Variants in CAST observed in about 807,000 individuals in gnomAD.
CAST encodes the protein calpastatin.
A neutral mutation model predicts 119.6 loss-of-function variants in CAST; 76 were observed. That is an observed-to-expected ratio of 0.64 (90% CI 0.53 to 0.77). The LOEUF (loss-of-function observed/expected upper bound fraction) is 0.77. Among genes scored for constraint, CAST ranks in the 30% least tolerant of loss-of-function variants. CAST has a pLI of 0.00. For synonymous variants in CAST, 319 were observed against 331.6 expected, an observed-to-expected ratio of 0.96 and a Z score of 0.41; for missense variants, 953 against 946.5, an observed-to-expected ratio of 1.01 and a Z score of -0.09.
chr5:95,970,344 G>C, the CAST span: 1 of 152,254 alleles, frequency 6.6e-6, no homozygotes, highest in African/African-American at 2.4e-5. Flanking sequence ...AAAGTAAGCA[G>C]AGAGATGAAT....
At chr5:96,541,922 T>C (rs947041447) in intron 1 of CAST, among the ~76,000 whole-genome samples, 1 of 152,240 alleles carries the variant, frequency 6.6e-6, no homozygotes, top group African/African-American at 2.4e-5. Flanking sequence ...AAAGTGGCTA[T>C]GAAGATTCAT....
At chr5:96,494,846 A>G in the CAST span, among the ~76,000 whole-genome samples, 17 of 152,214 alleles carry the variant, frequency 1.1e-4, no homozygotes, top group East Asian at 1.9e-4. Flanking sequence ...GGCCGGGCGC[A>G]GTAGCTCACG....
Position 96,750,665 on chromosome 5 carries a change from C to A in CAST, c.1507C>A (p.Pro503Thr). 1 of 1,612,508 alleles carries A rather than the reference C, an allele frequency of 6.2e-7. No homozygotes were observed. Among genetic ancestry groups the A allele is most frequent in the Non-Finnish European group, 8.5e-7 (1 of 1,178,688 alleles). ...TSMCSIQSAP[P>T]EPATLKGTVP... is the part of the protein sequence containing the mutation. ...CATGTGTAGTATACAGTCAGCACCC[C>A]CTGAGCCGGCTACCTTGGTGAGTGA... Residue 503 changes from proline (P) to threonine (T), a missense_variant, in exon 20 of 32, where the codon CCT becomes ACT. Transcript: ENST00000675179.
At chr5:96,009,662 G>A in the CAST span, among the ~76,000 whole-genome samples, 2 of 151,798 alleles carry the variant, frequency 1.3e-5, no homozygotes, top group African/African-American at 4.8e-5. Context: ...TTTGCTTGTT[G>A]ATTGAAGTTC....
the CAST span, among the ~76,000 whole-genome samples, chr5:96,151,313 A>G: frequency 6.6e-6 from 1 of 152,200 alleles, no homozygotes; most frequent in Non-Finnish European, 1.5e-5. Context: ...TAACTTGATT[A>G]TGCTAGTAAA....
At chr5:96,315,313 T>C in the CAST span, among the ~76,000 whole-genome samples, 44 of 152,350 alleles carry the variant, frequency 2.9e-4, no homozygotes, top group African/African-American at 9.4e-4. Flanking sequence ...TACATACACC[T>C]TCTTTTATAT....
chr5:96,166,766 C>A, the CAST span, among the ~76,000 whole-genome samples: 1 of 152,164 alleles, frequency 6.6e-6, no homozygotes, highest in Non-Finnish European at 1.5e-5. Context: ...CCTATCCTCA[C>A]TCATGAATTC....
At chr5:96,679,163 A>G (rs1419574133) in intron 2 of CAST, among the ~76,000 whole-genome samples, 2 of 152,078 alleles carry the variant, frequency 1.3e-5, no homozygotes, top group Non-Finnish European at 2.9e-5. Context: ...CCAGCTACCT[A>G]TAGCAATTGT....
chr5:96,677,885 G>A (rs1370770887), intron 2 of CAST, among the ~76,000 whole-genome samples: 1 of 152,166 alleles, frequency 6.6e-6, no homozygotes, highest in African/African-American at 2.4e-5. Flanking sequence ...GTATGTATTT[G>A]TTAAGGTGGC....
chr5:96,413,291 A>T, the CAST span, among the ~76,000 whole-genome samples: 1 of 152,204 alleles, frequency 6.6e-6, no homozygotes, highest in African/African-American at 2.4e-5. Context: ...ACAGGCTGTC[A>T]CCCGTCATCA....
chr5:96,477,350 C>T, the CAST span, among the ~76,000 whole-genome samples: 1 of 152,066 alleles, frequency 6.6e-6, no homozygotes, highest in Non-Finnish European at 1.5e-5. Context: ...TCTGGTCTCT[C>T]ATGTGTGTGT....
chr5:96,702,847 G>A (rs1048412719), intron 3 of CAST: 2 of 985,374 alleles, frequency 2.0e-6, no homozygotes, highest in African/African-American at 1.7e-5. Context: ...CGCGGGAGCC[G>A]AGCCCAGCTA....
the CAST span, among the ~76,000 whole-genome samples, chr5:96,232,583 C>T: frequency 4.6e-5 from 7 of 151,746 alleles, no homozygotes; most frequent in Non-Finnish European, 7.4e-5. Context: ...AAATTTAATA[C>T]GAAAAACTCA....
chr5:96,143,064 C>T, the CAST span, among the ~76,000 whole-genome samples: 3 of 152,148 alleles, frequency 2.0e-5, no homozygotes, highest in East Asian at 1.9e-4. Flanking sequence ...TAAGGGAGAA[C>T]GGTTTTCTTT....
rs766178001 is a variant in CAST, at chr5:96,663,162, A to G, written c.75+665A>G. ...ATGGCATTCGCCAGCTGGTGGTACA[A>G]GACGGTAAATAGGAGCGGTTGTGCC... On this transcript the variant is annotated intron_variant, in intron 1 of 31. Transcript: ENST00000675179. The G allele has an allele frequency of 5.7e-6, 4 of 702,544 alleles. No individual in the cohort carries two copies. The East Asian group carries it at 8.0e-5, about 14-fold the overall frequency. The allele number at this position is 702,544 out of a possible 1,614,324, so 43.5% of individuals were successfully genotyped here.
chr5:96,069,208 T>C, the CAST span, among the ~76,000 whole-genome samples: 2 of 151,890 alleles, frequency 1.3e-5, no homozygotes, highest in African/African-American at 4.8e-5. Flanking sequence ...GACAGGTGTG[T>C]ATATATACAT....
the CAST span, among the ~76,000 whole-genome samples, chr5:96,461,231 G>T: frequency 6.6e-6 from 1 of 151,950 alleles, no homozygotes; most frequent in African/African-American, 2.4e-5. Flanking sequence ...CCATTTTATG[G>T]ATATCTCACA....
chr5:96,190,046 T>C, the CAST span, among the ~76,000 whole-genome samples: 1 of 152,162 alleles, frequency 6.6e-6, no homozygotes, highest in African/African-American at 2.4e-5. Flanking sequence ...GTTGGGGGTA[T>C]TATTTTTCTT....
At chr5:96,429,215 GATC>G in the CAST span, 1 of 1,478,038 alleles carries the variant, frequency 6.8e-7, no homozygotes, top group Non-Finnish European at 9.5e-7. Flanking sequence ...ACACTTACAC[GATC>G]ATCATCAGAT....
Sources: gnomAD v4.1 joint callset for allele counts (sites outside exome capture counted in the v4.1 genomes callset) on GRCh38, gnomAD v4.1.1 for gene constraint, MANE v1.5 for transcripts, NCBI Gene and HGNC (gene_info 2026-07-23, HGNC 2026-07-21) for gene names.